PELI2: variants seen among roughly 807,000 people sequenced by gnomAD.
PELI2 encodes pellino E3 ubiquitin protein ligase family member 2.
PELI2 carries 23 observed loss-of-function variants against 42.3 expected under a neutral mutation model. The ratio of observed to expected loss-of-function variants is 0.54; its 90% CI spans 0.39 to 0.77. PELI2 has a LOEUF of 0.77. Ranked by LOEUF, PELI2 falls within the 30% of genes least tolerant of loss-of-function variation. PELI2 has a pLI of 0.00. For synonymous variants in PELI2, 245 were observed against 212.2 expected (o/e 1.15, Z -1.34); for missense variants, 463 against 553.2 (o/e 0.84, Z 1.64).
At chr14:56,258,591 A>AC (rs1888603643) in intron 2 of PELI2, among the ~76,000 whole-genome samples, 2 of 151,202 alleles carry the variant, frequency 1.3e-5, no homozygotes, top group African/African-American at 4.9e-5. Flanking sequence ...AAAAAAAAAA[A>AC]CACTGGATTG....
At position 56,118,558 on chromosome 14, in the gene PELI2, C is replaced by T. The variant is rs1166764129; in HGVS notation, c.-103C>T. Reference sequence around the variant, plus strand: ...CCGCCGTGCCCTTCCCCGGCGCGCTCACCCCGTTCTCGGGATGGGATTGTA... The same window carrying T: ...CCGCCGTGCCCTTCCCCGGCGCGCTTACCCCGTTCTCGGGATGGGATTGTA... On this transcript the variant is annotated 5_prime_UTR_variant, in exon 1 of 6. Transcript: ENST00000267460. 2 of 684,362 alleles carry T rather than the reference C, an allele frequency of 2.9e-6. No individual in the cohort carries two copies. The highest frequency in any genetic ancestry group is 4.2e-6 in the Non-Finnish European group (2 of 480,334). 42.4% of individuals were successfully genotyped at this position (684,362 alleles called of 1,614,324 possible). A position where few individuals can be genotyped will look rare whatever the true frequency, so the allele number is the denominator to read the frequency against.
chr14:56,266,122 G>A (rs1045360408), intron 2 of PELI2, among the ~76,000 whole-genome samples: 1 of 151,970 alleles, frequency 6.6e-6, no homozygotes, highest in Non-Finnish European at 1.5e-5. Context: ...AAACATTTGG[G>A]TAATATTTCT....
At chr14:56,290,949 A>T (rs1473697257) in intron 5 of PELI2, among the ~76,000 whole-genome samples, 1 of 152,258 alleles carries the variant, frequency 6.6e-6, no homozygotes, top group Admixed American at 6.5e-5. Flanking sequence ...CCAAAATCAT[A>T]GTTACAACTG....
chr14:56,233,407 A>G (rs1319256732), intron 2 of PELI2, among the ~76,000 whole-genome samples: 1 of 152,168 alleles, frequency 6.6e-6, no homozygotes, highest in Non-Finnish European at 1.5e-5. Flanking sequence ...CAAAACAGAG[A>G]TATAGACCAA....
chr14:56,211,378 T>C (rs1191830613), intron 2 of PELI2, among the ~76,000 whole-genome samples: 2 of 152,244 alleles, frequency 1.3e-5, no homozygotes, highest in African/African-American at 2.4e-5. Context: ...TGTCACCTTC[T>C]GTGAAGCCTT....
intron 2 of PELI2, among the ~76,000 whole-genome samples, chr14:56,229,337 T>C (rs7149557): frequency 0.4 from 60,868 of 152,086 alleles, 12,990 homozygotes; most frequent in South Asian, 0.53. Context: ...TGGAAGACAC[T>C]TCCCAGTAGG....
Position 56,298,716 on chromosome 14 carries a change from G to A in PELI2, c.*1550G>A, listed in dbSNP as rs1297155915. ...AATACGCTTTTCCTTAAAGTGATAC[G>A]ATAATATTACTCTTGATTGCTGCTG... On this transcript the variant is annotated 3_prime_UTR_variant, in exon 6 of 6. Coordinates refer to ENST00000267460, the MANE Select transcript of PELI2 (RefSeq NM_021255.3). 1 of 152,570 alleles carries A rather than the reference G, an allele frequency of 6.6e-6. No homozygotes were observed. The highest frequency in any genetic ancestry group is 1.5e-5 in the Non-Finnish European group (1 of 68,024). The allele number at this position is 152,570 out of a possible 1,614,324, so 9.5% of individuals were successfully genotyped here. A position where few individuals can be genotyped will look rare whatever the true frequency, so the allele number is the denominator to read the frequency against.
At position 56,168,404 on chromosome 14, in the gene PELI2, TC is replaced by T. The variant is rs374343509; in HGVS notation, c.78-9930del. 3.0e-4 allele frequency among the ~76,000 whole-genome samples: 46 copies of T among 152,284 alleles called. No homozygotes were observed. The East Asian group carries it at 3.7e-3, about 12-fold the overall frequency. On this transcript the variant is annotated intron_variant, in intron 1 of 5. Transcript: ENST00000267460. The stretch of plus-strand genomic sequence containing the variant: ...AACTAGAAGGTGCAGTTCTTCCTGT[TC>T]TTGCCTTCCATTTCCAAAGGCAGAG...
chr14:56,198,649 A>G (rs1015712035), intron 2 of PELI2, among the ~76,000 whole-genome samples: 1 of 152,136 alleles, frequency 6.6e-6, no homozygotes, highest in Admixed American at 6.5e-5. Context: ...CCCACATGTG[A>G]CAGCTCTTTG....
intron 2 of PELI2, among the ~76,000 whole-genome samples, chr14:56,192,464 T>A (rs1885982507): frequency 6.6e-6 from 1 of 152,196 alleles, no homozygotes; most frequent in Admixed American, 6.5e-5. Flanking sequence ...TTAGGATGTT[T>A]AGCAGCATCT....
At chr14:56,283,456 A>T (rs1889545744) in intron 3 of PELI2, among the ~76,000 whole-genome samples, 1 of 152,232 alleles carries the variant, frequency 6.6e-6, no homozygotes, top group Non-Finnish European at 1.5e-5. Flanking sequence ...CCATCAGCAT[A>T]GAGACCAGCA....
At chr14:56,164,297 A>G (rs937065785) in intron 1 of PELI2, among the ~76,000 whole-genome samples, 2 of 152,088 alleles carry the variant, frequency 1.3e-5, no homozygotes, top group Admixed American at 6.5e-5. Context: ...CAATTGAAGG[A>G]TAAATCCATT....
chr14:56,124,408 A>G (rs1883173546), intron 1 of PELI2, among the ~76,000 whole-genome samples: 1 of 152,224 alleles, frequency 6.6e-6, no homozygotes, highest in Admixed American at 6.5e-5. Flanking sequence ...CAAGCCAGGA[A>G]TGTATGCATT....
At chr14:56,220,484 T>C (rs1236351194) in intron 2 of PELI2, among the ~76,000 whole-genome samples, 1 of 152,122 alleles carries the variant, frequency 6.6e-6, no homozygotes, top group African/African-American at 2.4e-5. Context: ...AACCAAGCAA[T>C]AGCTTCCCTG....
chr14:56,268,902 G>A (rs546867531), intron 2 of PELI2, among the ~76,000 whole-genome samples: 1 of 152,160 alleles, frequency 6.6e-6, no homozygotes, highest in South Asian at 2.1e-4. Flanking sequence ...GCTGCTACAC[G>A]GAGTCATTGT....
chr14:56,248,873 C>T lies in PELI2; in HGVS notation c.208-30803C>T, dbSNP rs181044038. Among the ~76,000 whole-genome samples the T allele has an allele frequency of 6.2e-4, 95 of 152,108 alleles. 1 individual carries two copies. The highest frequency in any genetic ancestry group is 2.1e-3 in the African/African-American group (89 of 41,516). On this transcript the variant is annotated intron_variant, in intron 2 of 5. Coordinates refer to ENST00000267460, the MANE Select transcript of PELI2 (RefSeq NM_021255.3). The stretch of plus-strand genomic sequence containing the variant: ...GGCAGTCCATGTGCTGCGGCTGCTC[C>T]TGCCATGCCACTTGTAGAGGATATC...
In PELI2 at chr14:56,197,098, C is replaced by G. The variant is rs1366883106; in HGVS notation, c.207+18634C>G. Among the ~76,000 whole-genome samples the G allele has an allele frequency of 6.6e-6, 1 of 152,114 alleles. No individual in the cohort carries two copies. Among genetic ancestry groups the G allele is most frequent in the Non-Finnish European group, 1.5e-5 (1 of 68,030 alleles). ...TCTGCTGTGTGCCAGGCCCTGGGCTCTGCATGGGATGAGTTAAGACAAACA... is the reference window on the plus strand; with the variant it reads ...TCTGCTGTGTGCCAGGCCCTGGGCTGTGCATGGGATGAGTTAAGACAAACA... On this transcript the variant is annotated intron_variant, in intron 2 of 5. Transcript: ENST00000267460. This position sits in a 1 kb window ranked among gnomAD's most constrained non-coding sequence, Gnocchi z 4.9.
chr14:56,233,087 G>T (rs1299404548), intron 2 of PELI2, among the ~76,000 whole-genome samples: 1 of 152,052 alleles, frequency 6.6e-6, no homozygotes, highest in Non-Finnish European at 1.5e-5. Flanking sequence ...ACAAACCTCT[G>T]CTCAACGAAA....
chr14:56,281,812 G>C (rs1889491002), intron 3 of PELI2, among the ~76,000 whole-genome samples: 1 of 152,014 alleles, frequency 6.6e-6, no homozygotes. Flanking sequence ...AAGAAAATAT[G>C]CTCAACCTCA....
Sources: allele counts gnomAD v4.1 joint callset (sites outside exome capture counted in the v4.1 genomes callset), GRCh38; gene constraint gnomAD v4.1.1; non-coding constraint Gnocchi (gnomAD v3.1); transcripts MANE v1.5; gene names NCBI Gene and HGNC (gene_info 2026-07-23, HGNC 2026-07-21).